ANKRD27: variants seen among roughly 807,000 people sequenced by gnomAD.
ANKRD27 encodes the protein ankyrin repeat domain 27, also known as ankyrin repeat domain-containing protein 27.
In ANKRD27, 112 loss-of-function variants were observed where a neutral mutation model predicts 129.7. The ratio of observed to expected loss-of-function variants is 0.86; its 90% confidence interval spans 0.74 to 1.01. The LOEUF (loss-of-function observed/expected upper bound fraction) is 1.01, where lower values mean the gene tolerates loss of function less well. Among genes scored for constraint, ANKRD27 ranks in the 50% least tolerant of loss-of-function variants. The pLI is 0.00. For synonymous variants in ANKRD27, 516 were observed against 511.2 expected (o/e 1.01, Z -0.13); for missense variants, 1,258 against 1,300.5 (o/e 0.97, Z 0.50).
chr19:32,624,048 C>T (rs950751713), intron 17 of ANKRD27, among the ~76,000 whole-genome samples: 15 of 152,120 alleles, frequency 9.9e-5, no homozygotes, highest in Non-Finnish European at 1.5e-4. Flanking sequence ...ACACAACACA[C>T]GATAGATCAC....
intron 12 of ANKRD27, among the ~76,000 whole-genome samples, chr19:32,635,305 A>C (rs1967069025): frequency 6.6e-6 from 1 of 152,162 alleles, no homozygotes; most frequent in Non-Finnish European, 1.5e-5. Flanking sequence ...GGGCAGGGCA[A>C]AAACCACCGC....
intron 23 of ANKRD27, among the ~76,000 whole-genome samples, chr19:32,606,597 C>CTCACTTCACCCGATGTGCTGGGT (rs879676931): frequency 6.6e-6 from 1 of 151,202 alleles, no homozygotes; most frequent in African/African-American, 2.4e-5. Context: ...ATGTGCTGGG[C>CTCACTTCACCCGATGTGCTGGGT]GACAGTGATC....
At chr19:32,633,384 C>T (rs1264575445) in intron 12 of ANKRD27, among the ~76,000 whole-genome samples, 1 of 143,088 alleles carries the variant, frequency 7.0e-6, no homozygotes, top group Admixed American at 7.5e-5. Context: ...CCAAGCTGGA[C>T]TGCAGTGGTA....
At position 32,619,795 on chromosome 19, in the gene ANKRD27, C is replaced by T. The variant is rs80176112; in HGVS notation, c.1828-242G>A. 2.4e-4 allele frequency among the ~76,000 whole-genome samples: 36 copies of T among 152,220 alleles called. No individual in the cohort carries two copies. The East Asian group carries it at 4.1e-3, about 17-fold the overall frequency. On this transcript the variant is annotated intron_variant, in intron 18 of 28. Transcript: ENST00000306065. ...CCTCCCTTCACGGCTCCTCCTGTCC[C>T]GTGGGAGGGCTCAGGGCTTCCCACG...
rs74782412 is a variant in ANKRD27 at position 32,647,774 on chromosome 19, G to A, written c.214-1159C>T. On this transcript the variant is annotated intron_variant, in intron 3 of 28. Coordinates refer to ENST00000306065, the MANE Select transcript of ANKRD27 (RefSeq NM_032139.3). ...ACAGGAGTCGGGCTTTGCGCAGCTG[G>A]TCTGCCCCCAGCACCCGGCCATGAC... is the stretch of plus-strand genomic sequence containing the variant. Among the ~76,000 whole-genome samples the A allele has an allele frequency of 6.5e-4, 99 of 152,330 alleles. 3 individuals are homozygous for A. The East Asian group carries it at 0.017, about 27-fold the overall frequency.
chr19:32,634,017 C>T (rs888573400), intron 12 of ANKRD27, among the ~76,000 whole-genome samples: 16 of 152,076 alleles, frequency 1.1e-4, no homozygotes, highest in Admixed American at 4.6e-4. Flanking sequence ...GGTGACAGAG[C>T]GAGATCCTGT....
chr19:32,605,989 A>G (rs1376444385), intron 23 of ANKRD27, 35 bp from the exon 24 acceptor site: 1 of 1,565,960 alleles, frequency 6.4e-7, no homozygotes, highest in Admixed American at 1.8e-5. Context: ...AAACTTAATC[A>G]AAATTTCTGT....
intron 1 of ANKRD27, 79 bp from the exon 2 acceptor site, chr19:32,659,124 T>G: frequency 2.0e-5 from 12 of 610,586 alleles, no homozygotes; most frequent in Non-Finnish European, 2.0e-5. Flanking sequence ...CTGATGCATC[T>G]GGCATTTTCT....
intron 4 of ANKRD27, among the ~76,000 whole-genome samples, chr19:32,645,136 G>C (rs1017940333): frequency 2.0e-5 from 3 of 152,120 alleles, no homozygotes; most frequent in Middle Eastern, 3.2e-3. Context: ...TTTATTGGCC[G>C]GGCGCAGCGG....
At chr19:32,666,938 T>C (rs1015978008) in intron 1 of ANKRD27, among the ~76,000 whole-genome samples, 1 of 152,162 alleles carries the variant, frequency 6.6e-6, no homozygotes, top group Non-Finnish European at 1.5e-5. Flanking sequence ...TGAGCCACCA[T>C]GCCCAGCCAG....
chr19:32,598,725 A>C (rs1451260065), intron 28 of ANKRD27, among the ~76,000 whole-genome samples: 1 of 152,108 alleles, frequency 6.6e-6, no homozygotes, highest in Admixed American at 6.6e-5. Flanking sequence ...GAACTCAGGC[A>C]GATTTCAACG....
chr19:32,636,605 T>C (rs1967094560), intron 12 of ANKRD27: 2 of 152,030 alleles, frequency 1.3e-5, no homozygotes, highest in Non-Finnish European at 2.9e-5. Context: ...TGGGAAGTTT[T>C]TGTTGTCTTC....
At chr19:32,660,823 C>G (rs780514449) in intron 1 of ANKRD27, among the ~76,000 whole-genome samples, 3 of 152,150 alleles carry the variant, frequency 2.0e-5, no homozygotes, top group Non-Finnish European at 4.4e-5. Flanking sequence ...TGTAAACTGC[C>G]TGATCATGTC....
intron 24 of ANKRD27, among the ~76,000 whole-genome samples, chr19:32,605,532 G>A (rs1339530634): frequency 1.3e-5 from 2 of 152,206 alleles, no homozygotes; most frequent in African/African-American, 4.8e-5. Context: ...CAGGGACAGA[G>A]GCGGCCACTC....
At chr19:32,671,467 G>A (rs1303405109) in intron 1 of ANKRD27, among the ~76,000 whole-genome samples, 2 of 152,212 alleles carry the variant, frequency 1.3e-5, no homozygotes, top group African/African-American at 2.4e-5. Context: ...GGAGGCCAAA[G>A]CGGGTGGATC....
At chr19:32,616,520 T>C (rs189922783) in intron 21 of ANKRD27, among the ~76,000 whole-genome samples, 170 of 134,942 alleles carry the variant, frequency 1.3e-3, no homozygotes, top group Middle Eastern at 5.0e-3. Context: ...GCCACTGCAC[T>C]CCTGGATGAC....
chr19:32,658,442 C>A (rs1967584110), intron 2 of ANKRD27, among the ~76,000 whole-genome samples: 1 of 152,206 alleles, frequency 6.6e-6, no homozygotes, highest in South Asian at 2.1e-4. Flanking sequence ...AAAGTTCTTT[C>A]ATCATGGTGC....
chr19:32,598,076 G>T lies in ANKRD27; in HGVS notation c.*69C>A. The T allele has an allele frequency of 2.1e-6, 3 of 1,422,428 alleles. No individual in the cohort carries two copies. Among genetic ancestry groups the T allele is most frequent in the South Asian group, 2.3e-5 (2 of 85,624 alleles). The allele number at this position is 1,422,428 out of a possible 1,614,324, so 88.1% of individuals were successfully genotyped here. ...GGAAGCACATTTAGTTCTCAGATGT[G>T]TTCACGCTCAGCATCATCTTGTTGC... On this transcript the variant is annotated 3_prime_UTR_variant, in exon 29 of 29. Transcript: ENST00000306065.
chr19:32,605,188 T>C (rs1047630162), intron 24 of ANKRD27, among the ~76,000 whole-genome samples: 11 of 152,050 alleles, frequency 7.2e-5, no homozygotes, highest in Non-Finnish European at 1.0e-4. Context: ...CTGGGCAACA[T>C]AGTGAGACCC....
Sources: gnomAD v4.1 joint callset for allele counts (sites outside exome capture counted in the v4.1 genomes callset) on GRCh38, gnomAD v4.1.1 for gene constraint, MANE v1.5 for transcripts, NCBI Gene and HGNC (gene_info 2026-07-23, HGNC 2026-07-21) for gene names.